The following ACYP2 variants were observed in gnomAD, a reference collection of about 807,000 sequenced individuals.
ACYP2 encodes acylphosphatase 2.
In ACYP2, 12 loss-of-function variants were observed where a neutral mutation model predicts 11.2. That is an observed-to-expected ratio of 1.08 (90% CI 0.69 to 1.74). ACYP2 has a LOEUF of 1.74. Among genes scored for constraint, ACYP2 ranks in the 40% most tolerant of loss-of-function variants. The pLI is 0.00. For synonymous variants in ACYP2, 43 were observed against 32.2 expected, an observed-to-expected ratio of 1.33 and a Z score of -1.13; for missense variants, 134 against 101.9, an observed-to-expected ratio of 1.31 and a Z score of -1.35.
intron 6 of ACYP2, among the ~76,000 whole-genome samples, chr2:54,272,552 G>C (rs1419417302): frequency 6.6e-6 from 1 of 152,214 alleles, no homozygotes; most frequent in Non-Finnish European, 1.5e-5. Context: ...ATTTATCTCA[G>C]ATCTTAGAAA....
At chr2:54,234,206 A>G (rs889943380) in intron 6 of ACYP2, among the ~76,000 whole-genome samples, 3 of 152,172 alleles carry the variant, frequency 2.0e-5, no homozygotes, top group African/African-American at 7.2e-5. Context: ...TTTTGTGCTA[A>G]GCTTTTGGCT....
At chr2:54,010,677 CTA>C (rs1673311717) in intron 2 of ACYP2, among the ~76,000 whole-genome samples, 1 of 149,198 alleles carries the variant, frequency 6.7e-6, no homozygotes. Flanking sequence ...TCAAAGGAAA[CTA>C]TGTAATCCAT....
At chr2:54,280,687 C>T (rs1688810313) in intron 6 of ACYP2, among the ~76,000 whole-genome samples, 1 of 152,144 alleles carries the variant, frequency 6.6e-6, no homozygotes, top group Non-Finnish European at 1.5e-5. Flanking sequence ...TTTCATTTAG[C>T]AACTTGGTGG....
chr2:54,064,456 G>C (rs530047524), intron 4 of ACYP2, among the ~76,000 whole-genome samples: 1 of 102,692 alleles, frequency 9.7e-6, no homozygotes, highest in Non-Finnish European at 2.0e-5. Flanking sequence ...TAGCTGCTGG[G>C]GGCCATATCT....
intron 4 of ACYP2, among the ~76,000 whole-genome samples, chr2:54,106,106 A>T (rs537975323): frequency 1.4e-3 from 211 of 152,336 alleles, no homozygotes; most frequent in Non-Finnish European, 2.5e-3. Context: ...AATGTAAGTT[A>T]ATGTACTATT....
At chr2:54,119,601 G>C (rs1304869282) in intron 4 of ACYP2, among the ~76,000 whole-genome samples, 1 of 152,170 alleles carries the variant, frequency 6.6e-6, no homozygotes, top group Non-Finnish European at 1.5e-5. Flanking sequence ...TGGAAAAAAT[G>C]GAAAATGTTT....
intron 4 of ACYP2, 75 bp from the exon 1 acceptor site, chr2:54,115,540 G>C: frequency 6.6e-7 from 1 of 1,508,622 alleles, no homozygotes; most frequent in Middle Eastern, 2.4e-4. Context: ...AGTCTCATTT[G>C]CCGCTTCCGA....
At chr2:54,218,494 C>G (rs939793707) in intron 6 of ACYP2, among the ~76,000 whole-genome samples, 1 of 152,150 alleles carries the variant, frequency 6.6e-6, no homozygotes, top group African/African-American at 2.4e-5. Context: ...CAGCATGATA[C>G]TAAACATTGA....
intron 6 of ACYP2, chr2:54,253,205 C>T (rs1687317013): frequency 6.6e-6 from 1 of 152,132 alleles, no homozygotes; most frequent in African/African-American, 2.4e-5. Context: ...GTTTATTTAC[C>T]CATGAACACA....
intron 6 of ACYP2, among the ~76,000 whole-genome samples, chr2:54,273,396 C>T (rs887126856): frequency 8.5e-5 from 13 of 152,174 alleles, no homozygotes; most frequent in African/African-American, 2.9e-4. Context: ...GGCATAGAAT[C>T]TGTAGATTTT....
chr2:54,205,290 G>A (rs756451622), intron 6 of ACYP2, among the ~76,000 whole-genome samples: 60 of 152,198 alleles, frequency 3.9e-4, no homozygotes, highest in Non-Finnish European at 3.2e-4. Context: ...TCTGGGCCTA[G>A]AGAGGGAACC....
intron 6 of ACYP2, among the ~76,000 whole-genome samples, chr2:54,219,903 A>ATTTT (rs1240349827): frequency 9.0e-5 from 9 of 100,448 alleles, no homozygotes; most frequent in African/African-American, 2.9e-4. Flanking sequence ...ATATATATAT[A>ATTTT]TATTTTTTTT....
At chr2:53,998,104 G>GATTT (rs1174296292) in intron 2 of ACYP2, among the ~76,000 whole-genome samples, 1 of 152,164 alleles carries the variant, frequency 6.6e-6, no homozygotes, top group Non-Finnish European at 1.5e-5. Context: ...ATCATAAAAG[G>GATTT]ATTTAAAACA....
At chr2:54,224,485 A>G (rs959393574) in intron 6 of ACYP2, among the ~76,000 whole-genome samples, 2 of 152,210 alleles carry the variant, frequency 1.3e-5, no homozygotes, top group African/African-American at 4.8e-5. Flanking sequence ...GTTTGTGTGT[A>G]TGCAAAAAAG....
chr2:54,115,750 G>C (rs756620837), intron 4 of ACYP2: 2 of 1,610,970 alleles, frequency 1.2e-6, no homozygotes, highest in Admixed American at 3.3e-5. Context: ...GTTCGGAAGA[G>C]TGCAGGGTAG....
chr2:54,018,112 C>A (rs1194436437), intron 2 of ACYP2, among the ~76,000 whole-genome samples: 1 of 152,156 alleles, frequency 6.6e-6, no homozygotes. Flanking sequence ...AACCTAGCAA[C>A]CCAGAGCACG....
intron 5 of ACYP2, among the ~76,000 whole-genome samples, chr2:54,136,308 C>T (rs1322914333): frequency 6.6e-6 from 1 of 152,052 alleles, no homozygotes; most frequent in Non-Finnish European, 1.5e-5. Context: ...CCCAAAATGC[C>T]CATGCCTGGC....
At chr2:54,257,007 A>C (rs1687583322) in intron 6 of ACYP2, among the ~76,000 whole-genome samples, 1 of 152,126 alleles carries the variant, frequency 6.6e-6, no homozygotes, top group African/African-American at 2.4e-5. Flanking sequence ...GAAGAACAAA[A>C]GTTTTTCATC....
In ACYP2 at chr2:54,201,614, T is replaced by TTTCTC. The variant is rs1558608559; in HGVS notation, c.404+62867_404+62868insTCTCT. Reference sequence around the variant, plus strand: ...TCTTTCTCTTTCTTTCTTTCTTTCTTTCTTTCTTTGTTTCTTTCTTTCTCT... The same window carrying TTTCTC: ...TCTTTCTCTTTCTTTCTTTCTTTCTTTTCTCTCTTTCTTTGTTTCTTTCTTTCTCT... On this transcript the variant is annotated intron_variant, in intron 6 of 6. Coordinates refer to ENST00000607452, the MANE Select transcript of ACYP2 (RefSeq NM_001320586.2). Among the ~76,000 whole-genome samples the TTTCTC allele has an allele frequency of 1.3e-4, 11 of 86,236 alleles. 1 individual carries two copies. Among genetic ancestry groups the TTTCTC allele is most frequent in the African/African-American group, 3.5e-4 (8 of 22,616 alleles). 56.6% of individuals were successfully genotyped at this position (86,236 alleles called of 152,430 possible). A position where few individuals can be genotyped will look rare whatever the true frequency, so the allele number is the denominator to read the frequency against.
Sources: allele counts gnomAD v4.1 joint callset (sites outside exome capture counted in the v4.1 genomes callset), GRCh38; gene constraint gnomAD v4.1.1; transcripts MANE v1.5; gene names NCBI Gene and HGNC (gene_info 2026-07-23, HGNC 2026-07-21).